RANBP17: variants seen among roughly 807,000 people sequenced by gnomAD.
RANBP17 encodes RAN binding protein 17.
A neutral mutation model predicts 141.2 loss-of-function variants in RANBP17; 158 were observed. The ratio of observed to expected loss-of-function variants is 1.12; its 90% CI spans 0.98 to 1.28. RANBP17 has a LOEUF of 1.28. Ranked by LOEUF, RANBP17 falls within the 50% of genes most tolerant of loss-of-function variation. The pLI, the probability that RANBP17 is intolerant of heterozygous loss-of-function variation, is 0.00. For missense variants in RANBP17, 1,438 were observed against 1,290.7 expected (o/e 1.11, Z -1.75); for synonymous variants, 430 against 450.0 (o/e 0.96, Z 0.56).
chr5:171,190,244 C>T (rs757822442), intron 18 of RANBP17, among the ~76,000 whole-genome samples: 19 of 152,160 alleles, frequency 1.2e-4, no homozygotes, highest in African/African-American at 4.6e-4. Context: ...TTGGTTTCTA[C>T]TCAGTGATTT....
intron 24 of RANBP17, among the ~76,000 whole-genome samples, chr5:171,253,845 T>G (rs979474445): frequency 2.6e-5 from 4 of 152,194 alleles, no homozygotes; most frequent in African/African-American, 9.6e-5. Flanking sequence ...GAGGTAAATA[T>G]CCTTTTTCAG....
intron 14 of RANBP17, among the ~76,000 whole-genome samples, chr5:171,014,949 T>C (rs1047947585): frequency 6.6e-6 from 1 of 152,090 alleles, no homozygotes; most frequent in African/African-American, 2.4e-5. Context: ...GGTTGATAGT[T>C]TTTTTCCCCT....
intron 14 of RANBP17, among the ~76,000 whole-genome samples, chr5:171,150,694 T>G (rs1758412062): frequency 6.6e-6 from 1 of 152,178 alleles, no homozygotes; most frequent in Non-Finnish European, 1.5e-5. Context: ...CATGCTCACA[T>G]TTGTGACTGG....
At chr5:171,028,810 G>C in intron 14 of RANBP17, 1 of 798,028 alleles carries the variant, frequency 1.3e-6, no homozygotes, top group South Asian at 1.4e-5. Context: ...CCTCTCCTAA[G>C]AAAGGAGAAT....
intron 21 of RANBP17, among the ~76,000 whole-genome samples, chr5:171,218,647 A>G (rs1247556330): frequency 6.6e-6 from 1 of 151,634 alleles, no homozygotes; most frequent in Non-Finnish European, 1.5e-5. Context: ...TCCCTTTAGC[A>G]TTATATAACG....
At chr5:171,267,033 T>TTC (rs1313376506) in intron 25 of RANBP17, among the ~76,000 whole-genome samples, 3 of 144,082 alleles carry the variant, frequency 2.1e-5, no homozygotes, top group Non-Finnish European at 1.5e-5. Context: ...TTTCTTTTTT[T>TTC]TTTTTTTTTT....
At chr5:171,298,399 A>T (rs1768952497) in intron 27 of RANBP17, among the ~76,000 whole-genome samples, 1 of 152,038 alleles carries the variant, frequency 6.6e-6, no homozygotes, top group South Asian at 2.1e-4. Flanking sequence ...TGATCAGTAA[A>T]CTCAATCCAA....
chr5:171,150,767 T>G (rs1229899474), intron 14 of RANBP17, among the ~76,000 whole-genome samples: 1 of 152,230 alleles, frequency 6.6e-6, no homozygotes, highest in African/African-American at 2.4e-5. Context: ...GAGATGATTC[T>G]GTGATCCAAA....
rs1481853364 is a variant in RANBP17, at chr5:171,132,045, G to A, written c.1711-38085G>A. Among the ~76,000 whole-genome samples, 3 of 152,124 alleles carry A rather than the reference G, an allele frequency of 2.0e-5. No homozygotes were observed. The East Asian group carries it at 5.8e-4, about 29-fold the overall frequency. On this transcript the variant is annotated intron_variant, in intron 14 of 27. Transcript: ENST00000523189. ...AATTTTTTGCTAATGTTCAATAGAT[G>A]AAATTTATAGTTTCTCCATGGAGCC...
At chr5:171,247,666 A>G (rs1765290093) in intron 24 of RANBP17, among the ~76,000 whole-genome samples, 1 of 152,208 alleles carries the variant, frequency 6.6e-6, no homozygotes, top group African/African-American at 2.4e-5. Context: ...ACTCTTATGC[A>G]CAGACACCAA....
intron 3 of RANBP17, among the ~76,000 whole-genome samples, chr5:170,882,662 C>T (rs1768811187): frequency 1.3e-5 from 2 of 152,130 alleles, no homozygotes; most frequent in Non-Finnish European, 2.9e-5. Context: ...ATTCAGCTCT[C>T]TGGTGTTTTT....
intron 14 of RANBP17, among the ~76,000 whole-genome samples, chr5:170,997,582 G>C (rs1393299704): frequency 1.3e-5 from 2 of 152,144 alleles, no homozygotes; most frequent in Non-Finnish European, 1.5e-5. Context: ...GACATAGGTT[G>C]CTGTTTGCCT....
At chr5:171,290,487 G>A (rs1324733287) in intron 25 of RANBP17, among the ~76,000 whole-genome samples, 7 of 152,188 alleles carry the variant, frequency 4.6e-5, no homozygotes, top group Non-Finnish European at 8.8e-5. Flanking sequence ...AATAAGAGAA[G>A]AGTTGGGGAA....
chr5:171,166,436 TTTC>T (rs1007117416), intron 14 of RANBP17, among the ~76,000 whole-genome samples: 2 of 152,028 alleles, frequency 1.3e-5, no homozygotes, highest in African/African-American at 4.8e-5. Context: ...GTTTTTTTTT[TTTC>T]CTTTTCTTGC....
chr5:170,914,610 A>G (rs958276643), intron 8 of RANBP17, among the ~76,000 whole-genome samples: 1 of 151,898 alleles, frequency 6.6e-6, no homozygotes, highest in African/African-American at 2.4e-5. Context: ...CTCTTCCTCA[A>G]CCTTGCCTGG....
chr5:170,873,319 G>T (rs189088701), intron 1 of RANBP17, among the ~76,000 whole-genome samples: 6 of 152,264 alleles, frequency 3.9e-5, no homozygotes, highest in Admixed American at 3.9e-4. Flanking sequence ...TTTTCTTGTT[G>T]TGTCTTTGCC....
chr5:170,876,618 C>G (rs1768202787), intron 1 of RANBP17, among the ~76,000 whole-genome samples: 1 of 151,768 alleles, frequency 6.6e-6, no homozygotes, highest in African/African-American at 2.4e-5. Flanking sequence ...AGGAAATTTC[C>G]AAATCTGGGA....
intron 14 of RANBP17, among the ~76,000 whole-genome samples, chr5:171,121,555 C>A (rs182204786): frequency 4.6e-5 from 7 of 152,302 alleles, no homozygotes; most frequent in Non-Finnish European, 1.0e-4. Context: ...TGTTCAGAGG[C>A]TTGAGATCTC....
At chr5:171,124,938 A>C (rs1282351501) in intron 14 of RANBP17, among the ~76,000 whole-genome samples, 1 of 152,238 alleles carries the variant, frequency 6.6e-6, no homozygotes, top group Admixed American at 6.5e-5. Context: ...GGACATAAAA[A>C]GTAGGACCCA....
Sources: allele counts gnomAD v4.1 joint callset (sites outside exome capture counted in the v4.1 genomes callset), GRCh38; gene constraint gnomAD v4.1.1; transcripts MANE v1.5; gene names NCBI Gene and HGNC (gene_info 2026-07-23, HGNC 2026-07-21).